The following MIS18A variants were observed in gnomAD, a reference collection of about 807,000 sequenced individuals.
The protein encoded by MIS18A is MIS18 kinetochore protein A, also known as protein Mis18-alpha.
A neutral mutation model predicts 25.0 loss-of-function variants in MIS18A; 14 were observed. The ratio of observed to expected loss-of-function variants is 0.56; its 90% confidence interval spans 0.37 to 0.88. The LOEUF (loss-of-function observed/expected upper bound fraction) is 0.88, where lower values mean the gene tolerates loss of function less well. Among genes scored for constraint, MIS18A ranks in the 40% least tolerant of loss-of-function variants. The probability of loss-of-function intolerance (pLI) is 0.00; values close to 1 mark genes in which losing one functional copy is unlikely to be tolerated. For missense variants in MIS18A, 292 were observed against 290.8 expected (o/e 1.00, Z -0.03); for synonymous variants, 134 against 118.6 (o/e 1.13, Z -0.84).
At chr21:32,251,050 T>G in the MIS18A span, among the ~76,000 whole-genome samples, 1 of 152,188 alleles carries the variant, frequency 6.6e-6, no homozygotes. Context: ...ATTCTTCTCC[T>G]TCCTGCCACC....
At chr21:32,192,189 C>G in the MIS18A span, among the ~76,000 whole-genome samples, 1 of 152,168 alleles carries the variant, frequency 6.6e-6, no homozygotes, top group African/African-American at 2.4e-5. Flanking sequence ...GTGGAGTCCC[C>G]TCTGTTCCCA....
At chr21:32,189,971 C>G in the MIS18A span, among the ~76,000 whole-genome samples, 1 of 152,202 alleles carries the variant, frequency 6.6e-6, no homozygotes, top group Non-Finnish European at 1.5e-5. Flanking sequence ...AAGGAACAAC[C>G]CTCACTTTCT....
At chr21:32,236,314 T>A in the MIS18A span, among the ~76,000 whole-genome samples, 3 of 150,682 alleles carry the variant, frequency 2.0e-5, no homozygotes, top group Admixed American at 2.0e-4. Context: ...ACCCGGGAGG[T>A]GGAGCTTGCA....
At chr21:32,274,045 T>G (rs1180269518) in intron 2 of MIS18A, among the ~76,000 whole-genome samples, 2 of 152,088 alleles carry the variant, frequency 1.3e-5, no homozygotes, top group Non-Finnish European at 2.9e-5. Flanking sequence ...TTGTTTGCTC[T>G]TGCCACAAAC....
chr21:32,243,032 C>T, the MIS18A span, among the ~76,000 whole-genome samples: 4 of 152,208 alleles, frequency 2.6e-5, no homozygotes, highest in Middle Eastern at 3.4e-3. Flanking sequence ...TTCCAACAAA[C>T]GGTGTGGACT....
chr21:32,216,453 A>G, the MIS18A span, among the ~76,000 whole-genome samples: 1 of 152,230 alleles, frequency 6.6e-6, no homozygotes, highest in South Asian at 2.1e-4. Context: ...CTTCCAGTGC[A>G]AAAAGCCTTT....
the MIS18A span, among the ~76,000 whole-genome samples, chr21:32,231,192 C>A: frequency 6.8e-6 from 1 of 147,850 alleles, no homozygotes; most frequent in East Asian, 2.0e-4. Context: ...GCCAAGATTG[C>A]AGCACTGCAC....
chr21:32,248,218 A>G, the MIS18A span, among the ~76,000 whole-genome samples: 1 of 152,224 alleles, frequency 6.6e-6, no homozygotes, highest in Non-Finnish European at 1.5e-5. Context: ...GCAACCCAAA[A>G]GACTTTAGCC....
chr21:32,265,836 A>G (rs1054786568), downstream of MIS18A, among the ~76,000 whole-genome samples: 24 of 152,200 alleles, frequency 1.6e-4, no homozygotes, highest in East Asian at 2.3e-3. Context: ...ATCTAGCTCA[A>G]GGATTGTAAA....
At chr21:32,196,896 G>T in the MIS18A span, among the ~76,000 whole-genome samples, 1 of 152,154 alleles carries the variant, frequency 6.6e-6, no homozygotes, top group African/African-American at 2.4e-5. Context: ...TTTCTCTGGG[G>T]TGCCCTAACA....
At chr21:32,262,480 G>C in the MIS18A span, among the ~76,000 whole-genome samples, 16 of 152,334 alleles carry the variant, frequency 1.1e-4, no homozygotes, top group African/African-American at 3.8e-4. Flanking sequence ...GCAGCTCCTG[G>C]TAAGGGTGGA....
the MIS18A span, among the ~76,000 whole-genome samples, chr21:32,255,056 T>C: frequency 3.3e-5 from 5 of 152,198 alleles, no homozygotes; most frequent in African/African-American, 1.2e-4. Context: ...CAAGCTGTCC[T>C]TTTTATAATT....
chr21:32,208,589 C>T, the MIS18A span, among the ~76,000 whole-genome samples: 5 of 152,170 alleles, frequency 3.3e-5, no homozygotes, highest in African/African-American at 1.2e-4. Flanking sequence ...TTATAAATTA[C>T]CCAGTCCAAG....
At chr21:32,236,485 C>T in the MIS18A span, among the ~76,000 whole-genome samples, 1 of 151,914 alleles carries the variant, frequency 6.6e-6, no homozygotes, top group Admixed American at 6.6e-5. Flanking sequence ...AATTCAAAAT[C>T]TATTTATCTA....
the MIS18A span, among the ~76,000 whole-genome samples, chr21:32,213,782 A>G: frequency 6.6e-6 from 1 of 152,154 alleles, no homozygotes; most frequent in Admixed American, 6.5e-5. Flanking sequence ...TGGAATCTCT[A>G]TGGGACAAGA....
chr21:32,224,373 A>C, the MIS18A span, among the ~76,000 whole-genome samples: 3 of 151,386 alleles, frequency 2.0e-5, no homozygotes, highest in Non-Finnish European at 4.4e-5. Context: ...GTTTATCTAG[A>C]AAACCCCATC....
the MIS18A span, among the ~76,000 whole-genome samples, chr21:32,251,673 A>G: frequency 2.0e-4 from 31 of 152,236 alleles, no homozygotes; most frequent in African/African-American, 7.5e-4. Flanking sequence ...TTTGTCAACA[A>G]TGAAAAGATG....
chr21:32,219,822 A>C, the MIS18A span, among the ~76,000 whole-genome samples: 23 of 152,180 alleles, frequency 1.5e-4, no homozygotes, highest in African/African-American at 5.3e-4. Context: ...AGGCTTGAGT[A>C]GGTGATTTCC....
At chr21:32,256,776 A>G in the MIS18A span, among the ~76,000 whole-genome samples, 1 of 152,158 alleles carries the variant, frequency 6.6e-6, no homozygotes, top group Admixed American at 6.5e-5. Flanking sequence ...CTTAATCTGC[A>G]TGATCATCTA....
Sources: allele counts gnomAD v4.1 joint callset (sites outside exome capture counted in the v4.1 genomes callset), GRCh38; gene constraint gnomAD v4.1.1; transcripts MANE v1.5; gene names NCBI Gene and HGNC (gene_info 2026-07-23, HGNC 2026-07-21).